Variants in ULK4 observed in about 807,000 individuals in gnomAD.
ULK4 encodes unc-51 like kinase 4, also known as inactive serine/threonine-protein kinase ULK4.
ULK4 carries 133 observed loss-of-function variants against 160.6 expected under a neutral mutation model. That is an observed-to-expected ratio of 0.83 (90% CI 0.72 to 0.96). The LOEUF is 0.96. Among genes scored for constraint, ULK4 ranks in the 40% least tolerant of loss-of-function variants. The pLI, the probability that ULK4 is intolerant of heterozygous loss-of-function variation, is 0.00. For missense variants in ULK4, 1,580 were observed against 1,499.5 expected (o/e 1.05, Z -0.89); for synonymous variants, 534 against 539.8 (o/e 0.99, Z 0.15).
intron 34 of ULK4, 67 bp downstream of exon 34, chr3:41,455,430 C>G: frequency 1.4e-6 from 2 of 1,407,220 alleles, no homozygotes; most frequent in Non-Finnish European, 2.0e-6. Context: ...CTCAAGAGAT[C>G]AGGAAATTCA....
At chr3:41,315,258 G>C (rs1437871899) in intron 35 of ULK4, among the ~76,000 whole-genome samples, 1 of 152,016 alleles carries the variant, frequency 6.6e-6, no homozygotes, top group Non-Finnish European at 1.5e-5. Flanking sequence ...ATTTTGGCTT[G>C]GAAACTCAAA....
At chr3:41,363,930 CTCTT>C (rs1470703122) in intron 35 of ULK4, among the ~76,000 whole-genome samples, 1 of 135,004 alleles carries the variant, frequency 7.4e-6, no homozygotes, top group Non-Finnish European at 1.6e-5. Context: ...CAAATTCTCT[CTCTT>C]TTTTTTTTTC....
At chr3:41,727,302 T>C (rs538307066) in intron 22 of ULK4, among the ~76,000 whole-genome samples, 5 of 152,330 alleles carry the variant, frequency 3.3e-5, no homozygotes, top group African/African-American at 9.6e-5. Context: ...ATTTACCGTG[T>C]CTACTATGTG....
At chr3:41,630,545 A>G (rs891863135) in intron 30 of ULK4, among the ~76,000 whole-genome samples, 3 of 152,148 alleles carry the variant, frequency 2.0e-5, no homozygotes, top group East Asian at 3.9e-4. Flanking sequence ...GGCTCTTACG[A>G]TTGGTCAGGC....
intron 22 of ULK4, among the ~76,000 whole-genome samples, chr3:41,720,714 G>A (rs9864217): frequency 0.18 from 27,539 of 151,996 alleles, 2,591 homozygotes; most frequent in Middle Eastern, 0.32. Flanking sequence ...ACCTCATGGG[G>A]CCAACACTCA....
At chr3:41,547,338 AAG>A (rs138692306) in intron 32 of ULK4, among the ~76,000 whole-genome samples, 3,121 of 152,260 alleles carry the variant, frequency 0.02, 112 homozygotes, top group African/African-American at 0.072. Flanking sequence ...TACAGCATCT[AAG>A]AGAGAGCACT....
rs116539750 is a variant in ULK4, at chr3:41,832,053, G to C, written c.1764+3811C>G. Among the ~76,000 whole-genome samples the C allele has an allele frequency of 2.4e-3, 369 of 152,174 alleles. 1 individual carries two copies. The highest frequency in any genetic ancestry group is 7.9e-3 in the African/African-American group (329 of 41,514). On this transcript the variant is annotated intron_variant, in intron 18 of 36. Transcript: ENST00000301831. ...ATAGTAGAATGATCTATATTCCTTT[G>C]GGTTTATAACCAGTAATGGGATTGC...
intron 32 of ULK4, among the ~76,000 whole-genome samples, chr3:41,515,886 A>T (rs924895831): frequency 6.6e-5 from 10 of 152,182 alleles, no homozygotes; most frequent in African/African-American, 2.4e-4. Flanking sequence ...GGCAAAACTA[A>T]TCAAGGGTGA....
At chr3:41,452,526 C>A (rs573665829) in intron 34 of ULK4, among the ~76,000 whole-genome samples, 19 of 152,316 alleles carry the variant, frequency 1.2e-4, no homozygotes, top group South Asian at 8.3e-4. Context: ...CAGAGCCACT[C>A]TGTGTTGGTG....
intron 29 of ULK4, among the ~76,000 whole-genome samples, chr3:41,669,511 G>A (rs1307515987): frequency 6.6e-6 from 1 of 152,144 alleles, no homozygotes; most frequent in Non-Finnish European, 1.5e-5. Flanking sequence ...TCCCGCCTTG[G>A]CCTCCCAACC....
At chr3:41,446,176 A>T (rs2083293118) in intron 34 of ULK4, among the ~76,000 whole-genome samples, 1 of 152,210 alleles carries the variant, frequency 6.6e-6, no homozygotes, top group Admixed American at 6.5e-5. Flanking sequence ...CCACAATGAG[A>T]TACCATCTCA....
chr3:41,813,238 A>C (rs1462340595), intron 19 of ULK4, among the ~76,000 whole-genome samples: 2 of 152,164 alleles, frequency 1.3e-5, no homozygotes, highest in Non-Finnish European at 2.9e-5. Context: ...GGTGTACCAA[A>C]CCACCATGGC....
intron 32 of ULK4, among the ~76,000 whole-genome samples, chr3:41,530,943 T>C (rs764542619): frequency 1.3e-4 from 19 of 151,404 alleles, no homozygotes; most frequent in Non-Finnish European, 2.4e-4. Flanking sequence ...TTTGTATTTT[T>C]AGTAGAGACG....
At chr3:41,338,569 A>G (rs2080613815) in intron 35 of ULK4, among the ~76,000 whole-genome samples, 2 of 152,124 alleles carry the variant, frequency 1.3e-5, no homozygotes, top group South Asian at 4.1e-4. Flanking sequence ...AAAAGCCATT[A>G]TTTAAAAAAT....
chr3:41,896,171 G>C (rs1282349696), intron 15 of ULK4, among the ~76,000 whole-genome samples: 2 of 152,122 alleles, frequency 1.3e-5, no homozygotes, highest in Non-Finnish European at 2.9e-5. Flanking sequence ...TAAAGGAACC[G>C]ACACCCCCGA....
chr3:41,789,007 G>A (rs1023473462), intron 21 of ULK4, among the ~76,000 whole-genome samples: 3 of 152,110 alleles, frequency 2.0e-5, no homozygotes, highest in African/African-American at 7.2e-5. Context: ...TCTGCATGGG[G>A]CCTAAAAGTC....
At chr3:41,564,316 G>C (rs4973888) in intron 32 of ULK4, among the ~76,000 whole-genome samples, 76,127 of 151,834 alleles carry the variant, frequency 0.5, 21,032 homozygotes, top group Admixed American at 0.64. Context: ...GGAGGTGTCT[G>C]CCAGTTAGGC....
intron 2 of ULK4, among the ~76,000 whole-genome samples, chr3:41,953,893 CA>C (rs1268971563): frequency 1.3e-5 from 2 of 151,850 alleles, no homozygotes; most frequent in Non-Finnish European, 2.9e-5. Flanking sequence ...ATGAAAAATA[CA>C]AAAAATTGGC....
intron 32 of ULK4, among the ~76,000 whole-genome samples, chr3:41,563,633 C>G (rs1302717241): frequency 6.6e-6 from 1 of 152,188 alleles, no homozygotes; most frequent in Non-Finnish European, 1.5e-5. Flanking sequence ...GATACCCTTT[C>G]TTCCACTTGA....
Sources: allele counts gnomAD v4.1 joint callset (sites outside exome capture counted in the v4.1 genomes callset), GRCh38; gene constraint gnomAD v4.1.1; transcripts MANE v1.5; gene names NCBI Gene and HGNC (gene_info 2026-07-23, HGNC 2026-07-21).